Variants in ADAMTS6 observed in about 807,000 individuals in gnomAD.
ADAMTS6 encodes the protein ADAM metallopeptidase with thrombospondin type 1 motif 6, also known as A disintegrin and metalloproteinase with thrombospondin motifs 6.
ADAMTS6 carries 23 observed loss-of-function variants against 144.3 expected under a neutral mutation model. The ratio of observed to expected loss-of-function variants is 0.16; its 90% CI spans 0.11 to 0.23. The LOEUF (loss-of-function observed/expected upper bound fraction) is 0.23, where lower values mean the gene tolerates loss of function less well. Ranked by LOEUF, ADAMTS6 falls within the 10% of genes least tolerant of loss-of-function variation. The probability of loss-of-function intolerance (pLI) is 1.00; values close to 1 mark genes in which losing one functional copy is unlikely to be tolerated. For missense variants in ADAMTS6, 999 were observed against 1,379.6 expected (o/e 0.72, Z 4.37); for synonymous variants, 444 against 457.5 (o/e 0.97, Z 0.38).
rs558755340 is a variant in ADAMTS6, at chr5:65,396,006, C to T, written c.1073+55469G>A. ...CTTGTCACATTAGCCCAGCATAAGC[C>T]ACAATACACTTGCTTAATCACTAAC... On this transcript the variant is annotated intron_variant, in intron 7 of 24. Coordinates refer to ENST00000381055, the MANE Select transcript of ADAMTS6 (RefSeq NM_197941.4). Among the ~76,000 whole-genome samples, 11 of 152,266 alleles carry T rather than the reference C, an allele frequency of 7.2e-5. No individual in the cohort carries two copies. In the South Asian group the frequency reaches 2.3e-3, roughly 32 times the overall value.
In ADAMTS6 at chr5:65,396,978, T is replaced by C. The variant is rs576626889; in HGVS notation, c.1073+54497A>G. Among the ~76,000 whole-genome samples, 11 of 152,302 alleles carry C rather than the reference T, an allele frequency of 7.2e-5. No homozygotes were observed. In the South Asian group the frequency reaches 2.3e-3, roughly 32 times the overall value. On this transcript the variant is annotated intron_variant, in intron 7 of 24. Transcript: ENST00000381055. ...ACTATCTGGGCCTAGTGCTTTCTGT[T>C]TGGGAAGATTATTAACTGTTGGTTC...
intron 7 of ADAMTS6, among the ~76,000 whole-genome samples, chr5:65,450,656 T>A (rs1199447584): frequency 6.6e-6 from 1 of 152,160 alleles, no homozygotes; most frequent in Admixed American, 6.5e-5. Context: ...TCTAACCAAT[T>A]ATAAGTAAGA....
chr5:65,370,568 G>A (rs942009545), intron 7 of ADAMTS6, among the ~76,000 whole-genome samples: 11 of 152,164 alleles, frequency 7.2e-5, no homozygotes, highest in Admixed American at 5.9e-4. Flanking sequence ...CTTTTCCGAC[G>A]GGCTTAAAAA....
intron 22 of ADAMTS6, among the ~76,000 whole-genome samples, chr5:65,179,802 A>G (rs920459210): frequency 1.3e-5 from 2 of 152,248 alleles, no homozygotes; most frequent in African/African-American, 4.8e-5. Context: ...TGTAGAACAC[A>G]TAAATTATCG....
At chr5:65,229,830 G>C (rs1011397885) in intron 15 of ADAMTS6, among the ~76,000 whole-genome samples, 4 of 152,004 alleles carry the variant, frequency 2.6e-5, no homozygotes, top group Non-Finnish European at 4.4e-5. Context: ...AAAGAAAGTG[G>C]AATAGGCTTA....
At chr5:65,427,977 G>T (rs940920696) in intron 7 of ADAMTS6, among the ~76,000 whole-genome samples, 10 of 152,006 alleles carry the variant, frequency 6.6e-5, no homozygotes, top group Admixed American at 2.6e-4. Context: ...TATAATCCCA[G>T]CACTTTGGGA....
At chr5:65,334,365 A>G (rs963407485) in intron 7 of ADAMTS6, among the ~76,000 whole-genome samples, 5 of 152,216 alleles carry the variant, frequency 3.3e-5, no homozygotes, top group Non-Finnish European at 5.9e-5. Context: ...ACGATCTGCC[A>G]TACTGTTTTG....
intron 12 of ADAMTS6, 37 bp downstream of exon 12, chr5:65,273,303 T>C (rs2112656550): frequency 6.4e-7 from 1 of 1,573,616 alleles, no homozygotes; most frequent in Middle Eastern, 1.7e-4. Context: ...ATCACTTTTG[T>C]ATACATGTCA....
chr5:65,453,540 T>C (rs1758924885), intron 4 of ADAMTS6, among the ~76,000 whole-genome samples: 1 of 152,238 alleles, frequency 6.6e-6, no homozygotes, highest in African/African-American at 2.4e-5. Context: ...GTAAGAGACA[T>C]TCAATTATAG....
At chr5:65,390,592 T>C (rs1340370822) in intron 7 of ADAMTS6, among the ~76,000 whole-genome samples, 1 of 152,246 alleles carries the variant, frequency 6.6e-6, no homozygotes, top group Admixed American at 6.5e-5. Flanking sequence ...TAATTCTGCA[T>C]ATGTTCTAAA....
intron 7 of ADAMTS6, among the ~76,000 whole-genome samples, chr5:65,442,513 T>C (rs953316071): frequency 4.6e-5 from 7 of 151,858 alleles, no homozygotes; most frequent in Admixed American, 1.3e-4. Flanking sequence ...TTCCAGAAAA[T>C]TGAAAAGAAG....
chr5:65,202,714 T>C (rs1755814397), intron 20 of ADAMTS6, among the ~76,000 whole-genome samples: 1 of 152,240 alleles, frequency 6.6e-6, no homozygotes. Flanking sequence ...ACTCTTTTCA[T>C]AGCCAAATTT....
chr5:65,442,095 G>GAA (rs571460284), intron 7 of ADAMTS6, among the ~76,000 whole-genome samples: 44 of 105,110 alleles, frequency 4.2e-4, no homozygotes, highest in Admixed American at 4.0e-3. Context: ...ACAGAAAAAT[G>GAA]AAAAAAAAAA....
intron 22 of ADAMTS6, among the ~76,000 whole-genome samples, chr5:65,175,834 G>A (rs1441250957): frequency 2.0e-5 from 3 of 150,796 alleles, no homozygotes; most frequent in Admixed American, 6.6e-5. Flanking sequence ...ACTCCCTTCA[G>A]GACAGGACAA....
At position 65,243,158 on chromosome 5, in the gene ADAMTS6, T is replaced by G. The variant is rs78766404; in HGVS notation, c.1831-952A>C. Among the ~76,000 whole-genome samples the G allele has an allele frequency of 5.4e-3, 821 of 152,150 alleles. 13 individuals are homozygous for G. Among genetic ancestry groups the G allele is most frequent in the African/African-American group, 0.018 (761 of 41,530 alleles). On this transcript the variant is annotated intron_variant, in intron 14 of 24. Transcript: ENST00000381055. Reference sequence around the variant, plus strand: ...ATTTTGAAAGACTGACAGAAAATATTCTCCTAAAATATGGAAAAAAAGAAT... The same window carrying G: ...ATTTTGAAAGACTGACAGAAAATATGCTCCTAAAATATGGAAAAAAAGAAT...
chr5:65,242,060 T>G, intron 15 of ADAMTS6, 44 bp downstream of exon 15: 1 of 1,345,982 alleles, frequency 7.4e-7, no homozygotes, highest in Non-Finnish European at 1.0e-6. Flanking sequence ...CTTTGATATT[T>G]GCAAAGTGCT....
intron 9 of ADAMTS6, among the ~76,000 whole-genome samples, chr5:65,323,204 G>A (rs1029063786): frequency 6.6e-5 from 10 of 151,454 alleles, no homozygotes; most frequent in Non-Finnish European, 1.2e-4. Context: ...CCATGTTGGT[G>A]TGCTGCACCC....
chr5:65,433,314 A>T (rs1193016559), intron 7 of ADAMTS6, among the ~76,000 whole-genome samples: 4 of 152,130 alleles, frequency 2.6e-5, no homozygotes, highest in African/African-American at 9.7e-5. Context: ...ACTGTACCAA[A>T]AACCTCACAC....
chr5:65,236,470 A>G, intron 15 of ADAMTS6, among the ~76,000 whole-genome samples: 1 of 152,046 alleles, frequency 6.6e-6, no homozygotes, highest in Admixed American at 6.6e-5. Flanking sequence ...TATTTTTCGT[A>G]TAGACAAGGT....
Sources: allele counts gnomAD v4.1 joint callset (sites outside exome capture counted in the v4.1 genomes callset), GRCh38; gene constraint gnomAD v4.1.1; transcripts MANE v1.5; gene names NCBI Gene and HGNC (gene_info 2026-07-23, HGNC 2026-07-21).